Variants in EML4 observed in about 807,000 individuals in gnomAD.
EML4 encodes EMAP like 4.
In EML4, 72 loss-of-function variants were observed where a neutral mutation model predicts 129.0. That is an observed-to-expected ratio of 0.56 (90% CI 0.46 to 0.68). The LOEUF (loss-of-function observed/expected upper bound fraction) is 0.68, where lower values mean the gene tolerates loss of function less well. Ranked by LOEUF, EML4 falls within the 30% of genes least tolerant of loss-of-function variation. The pLI, the probability that EML4 is intolerant of heterozygous loss-of-function variation, is 0.00. For synonymous variants in EML4, 532 were observed against 405.0 expected (o/e 1.31, Z -3.77); for missense variants, 1,363 against 1,190.6 (o/e 1.14, Z -2.13).
chr2:42,257,779 G>A (rs1665433539), intron 3 of EML4, among the ~76,000 whole-genome samples: 1 of 151,206 alleles, frequency 6.6e-6, no homozygotes, highest in African/African-American at 2.4e-5. Flanking sequence ...GGAGCTTGCA[G>A]TGAGCCACGA....
chr2:42,218,730 T>C (rs1350956579), intron 1 of EML4, among the ~76,000 whole-genome samples: 1 of 152,216 alleles, frequency 6.6e-6, no homozygotes, highest in African/African-American at 2.4e-5. Flanking sequence ...AGAGTCCTCC[T>C]TTAAGTACTG....
chr2:42,227,711 A>G (rs1299846842), intron 1 of EML4, among the ~76,000 whole-genome samples: 1 of 152,156 alleles, frequency 6.6e-6, no homozygotes, highest in Non-Finnish European at 1.5e-5. Context: ...TCCTCTGCCT[A>G]TGCAGCATGA....
At chr2:42,326,464 G>C (rs534067070) in intron 21 of EML4, among the ~76,000 whole-genome samples, 1 of 152,160 alleles carries the variant, frequency 6.6e-6, no homozygotes, top group Non-Finnish European at 1.5e-5. Flanking sequence ...TAATATGAAA[G>C]ACAAGGAATT....
chr2:42,245,095 T>C lies in EML4; in HGVS notation c.26-410T>C, dbSNP rs1405277808. 5.0e-4 allele frequency among the ~76,000 whole-genome samples: 13 copies of C among 26,172 alleles called. 1 individual carries two copies. The highest frequency in any genetic ancestry group is 1.8e-3 in the African/African-American group (13 of 7,336). 17.2% of individuals were successfully genotyped at this position (26,172 alleles called of 152,430 possible). A position where few individuals can be genotyped will look rare whatever the true frequency, so the allele number is the denominator to read the frequency against. On this transcript the variant is annotated intron_variant, in intron 1 of 22. Coordinates refer to ENST00000318522, the MANE Select transcript of EML4 (RefSeq NM_019063.5). ...GTTTTTTGTTTTGAAATTTTCTTTC[T>C]TTTTTTTTTTTTTTTTTGAGACAGA...
At position 42,320,861 on chromosome 2, in the gene EML4, T is replaced by A. The variant is rs183710127; in HGVS notation, c.2154+3337T>A. ...AGACAGTATATTTAAGTTGCAGTGA[T>A]ATCCTAAAAAGCATTACAAAATCTC... On this transcript the variant is annotated intron_variant, in intron 19 of 22. Coordinates refer to ENST00000318522, the MANE Select transcript of EML4 (RefSeq NM_019063.5). Among the ~76,000 whole-genome samples, 81 of 152,248 alleles carry A rather than the reference T, an allele frequency of 5.3e-4. 1 individual carries two copies. The highest frequency in any genetic ancestry group is 4.9e-3 in the Admixed American group (75 of 15,280).
intron 19 of EML4, among the ~76,000 whole-genome samples, chr2:42,323,538 G>T (rs1377690430): frequency 6.6e-6 from 1 of 152,170 alleles, no homozygotes; most frequent in Non-Finnish European, 1.5e-5. Flanking sequence ...AAGGTTTGGG[G>T]ACACATCGGT....
intron 1 of EML4, among the ~76,000 whole-genome samples, chr2:42,228,718 C>T (rs1180754802): frequency 5.3e-5 from 8 of 152,088 alleles, no homozygotes; most frequent in African/African-American, 1.9e-4. Context: ...GTGAGTTCTA[C>T]AATTTTCTGT....
intron 1 of EML4, among the ~76,000 whole-genome samples, chr2:42,217,973 T>C (rs1024463495): frequency 4.6e-5 from 7 of 152,136 alleles, no homozygotes; most frequent in Non-Finnish European, 1.0e-4. Flanking sequence ...AGATATGGGG[T>C]GATCCTAGAA....
chr2:42,221,272 G>A (rs1031081301), intron 1 of EML4, among the ~76,000 whole-genome samples: 21 of 152,094 alleles, frequency 1.4e-4, no homozygotes, highest in African/African-American at 4.3e-4. Flanking sequence ...ATGACTTTAA[G>A]TTGAAGCCAG....
intron 1 of EML4, among the ~76,000 whole-genome samples, chr2:42,225,289 C>T (rs1449733850): frequency 6.6e-6 from 1 of 152,104 alleles, no homozygotes; most frequent in Non-Finnish European, 1.5e-5. Flanking sequence ...GTTGCTTTGT[C>T]ATATGGTAAT....
chr2:42,268,055 A>G (rs1018645071), intron 6 of EML4, among the ~76,000 whole-genome samples: 2 of 152,144 alleles, frequency 1.3e-5, no homozygotes, highest in Non-Finnish European at 2.9e-5. Flanking sequence ...CAATTTGACA[A>G]ATTTTCTAAT....
intron 16 of EML4, 50 bp from the exon 17 acceptor site, chr2:42,304,434 T>A: frequency 4.1e-6 from 6 of 1,449,372 alleles, no homozygotes; most frequent in Non-Finnish European, 5.8e-6. Context: ...ACTGTCCCCA[T>A]AGGGAGACTT....
chr2:42,315,174 A>C (rs569016535), intron 17 of EML4, among the ~76,000 whole-genome samples: 1 of 152,130 alleles, frequency 6.6e-6, no homozygotes, highest in Non-Finnish European at 1.5e-5. Context: ...ATGTCTGAAC[A>C]TTCCCTCAGT....
Position 42,279,336 on chromosome 2 carries a change from T to C in EML4, c.668-1514T>C, listed in dbSNP as rs1666870710. Among the ~76,000 whole-genome samples, 3 of 152,310 alleles carry C rather than the reference T, an allele frequency of 2.0e-5. No individual in the cohort carries two copies. The South Asian group carries it at 6.2e-4, about 32-fold the overall frequency. ...GTAGTGGGATTGCAGCATCATATGG[T>C]AGTTGTGTTTTTAACTTTTTGAGGA... On this transcript the variant is annotated intron_variant, in intron 6 of 22. Coordinates refer to ENST00000318522, the MANE Select transcript of EML4 (RefSeq NM_019063.5).
chr2:42,273,508 G>C (rs1335247866), intron 6 of EML4, among the ~76,000 whole-genome samples: 1 of 152,136 alleles, frequency 6.6e-6, no homozygotes, highest in Non-Finnish European at 1.5e-5. Context: ...TAGTATAAGA[G>C]TTGATTAACA....
intron 11 of EML4, among the ~76,000 whole-genome samples, chr2:42,290,238 C>A (rs1430530858): frequency 1.3e-5 from 2 of 152,090 alleles, no homozygotes; most frequent in Non-Finnish European, 2.9e-5. Flanking sequence ...TTGACTGTCT[C>A]TCCTCTTCTC....
chr2:42,317,790 C>A (rs1056160095), intron 19 of EML4, among the ~76,000 whole-genome samples: 1 of 152,050 alleles, frequency 6.6e-6, no homozygotes, highest in Non-Finnish European at 1.5e-5. Flanking sequence ...CCATAGGAAA[C>A]CTTTAGAATA....
At chr2:42,173,456 A>G (rs1670392434) in intron 1 of EML4, among the ~76,000 whole-genome samples, 1 of 152,204 alleles carries the variant, frequency 6.6e-6, no homozygotes, top group African/African-American at 2.4e-5. Flanking sequence ...GTATGGATTA[A>G]CATCGAACAT....
At chr2:42,275,974 C>G (rs1056771500) in intron 6 of EML4, among the ~76,000 whole-genome samples, 1 of 151,980 alleles carries the variant, frequency 6.6e-6, no homozygotes, top group African/African-American at 2.4e-5. Context: ...ATAGTGAAGA[C>G]AGGTAGAAAG....
Sources: gnomAD v4.1 joint callset for allele counts (sites outside exome capture counted in the v4.1 genomes callset) on GRCh38, gnomAD v4.1.1 for gene constraint, MANE v1.5 for transcripts, NCBI Gene and HGNC (gene_info 2026-07-23, HGNC 2026-07-21) for gene names.